The following XKRX variants were observed in gnomAD, a reference collection of about 807,000 sequenced individuals.
The protein encoded by XKRX is XK related X-linked.
Under a neutral mutation model 22.4 loss-of-function variants are expected in XKRX, and 11 were observed. The observed-to-expected ratio is 0.49, with a 90% CI of 0.31 to 0.81. XKRX has a LOEUF of 0.81. XKRX is among the 40% of genes least tolerant of loss of function. The pLI, the probability that XKRX is intolerant of heterozygous loss-of-function variation, is 0.05. For synonymous variants in XKRX, 114 were observed against 132.2 expected (o/e 0.86, Z 0.94); for missense variants, 320 against 336.5 (o/e 0.95, Z 0.38).
chrX:100,951,627 A>G, the XKRX span, among the ~76,000 whole-genome samples: 1 of 111,530 alleles, frequency 9.0e-6, no homozygotes, highest in African/African-American at 3.3e-5. Context: ...ATGATGACTG[A>G]AACAAACAGG....
At chrX:100,924,520 G>A (rs188972887) in intron 1 of XKRX, among the ~76,000 whole-genome samples, 1 of 111,572 alleles carries the variant, frequency 9.0e-6, no homozygotes, top group African/African-American at 3.2e-5. Flanking sequence ...TTCTGATGTG[G>A]TAAGTGGAAG....
upstream of XKRX, among the ~76,000 whole-genome samples, chrX:100,931,153 T>A (rs761768824): frequency 2.6e-3 from 224 of 87,004 alleles, no homozygotes; most frequent in Middle Eastern, 5.9e-3. Flanking sequence ...AAATTAAAAA[T>A]AAAAAAAAAA....
chrX:100,888,729 A>G, the XKRX span: 7 of 258,699 alleles, frequency 2.7e-5, no homozygotes, highest in Non-Finnish European at 4.1e-5. Context: ...AAGGTGGCAT[A>G]TGAGATAACA....
the XKRX span, among the ~76,000 whole-genome samples, chrX:100,939,610 G>C: frequency 8.9e-6 from 1 of 111,748 alleles, no homozygotes; most frequent in Non-Finnish European, 1.9e-5. Flanking sequence ...CCCAAGTAAG[G>C]CACCTGAAGA....
At chrX:100,932,370 C>T (rs1260606957), upstream of XKRX, among the ~76,000 whole-genome samples, 1 of 111,359 alleles carries the variant, frequency 9.0e-6, no homozygotes, top group Non-Finnish European at 1.9e-5. Flanking sequence ...CACTGATCTC[C>T]CACAGACTAG....
chrX:100,887,757 G>A, the XKRX span: 3 of 796,167 alleles, frequency 3.8e-6, no homozygotes, highest in Non-Finnish European at 5.7e-6. Context: ...CTGCCCCAAA[G>A]TTTCCTCCCT....
rs775988879 is a variant in XKRX at position 100,922,985 on chromosome X, G to T, written c.412C>A (p.Arg138=). The T allele has an allele frequency of 4.1e-6, 5 of 1,211,414 alleles. No individual in the cohort carries two copies. In the South Asian group the frequency reaches 8.8e-5, roughly 21 times the overall value. ...TCGCCATCTATTAGCATCTTCTTTC[G>T]GGTGAGGCTGACATAGGGCTCCTCC... ...EQEEPYVSLT[R]KKMLIDGEEV... Residue 138 remains arginine, a synonymous_variant, in exon 2 of 3, where the codon CGA becomes AGA. Coordinates refer to ENST00000372956, the MANE Select transcript of XKRX (RefSeq NM_212559.3).
chrX:100,905,177 CA>C, the XKRX span, among the ~76,000 whole-genome samples: 1 of 111,651 alleles, frequency 9.0e-6, no homozygotes, highest in South Asian at 3.8e-4. Context: ...TGACCGTGGG[CA>C]AGTTACTCTC....
At chrX:100,899,030 C>T in the XKRX span, among the ~76,000 whole-genome samples, 2 of 110,909 alleles carry the variant, frequency 1.8e-5, no homozygotes, top group Non-Finnish European at 3.8e-5. Flanking sequence ...GAGAAGAATC[C>T]GAGTTCCAGA....
At chrX:100,930,516 G>T (rs1165913665), upstream of XKRX, among the ~76,000 whole-genome samples, 2 of 109,847 alleles carry the variant, frequency 1.8e-5, no homozygotes, top group East Asian at 5.7e-4. Flanking sequence ...GCTGATTCAG[G>T]GACAGATTCA....
chrX:100,888,294 C>T, the XKRX span: 2 of 697,769 alleles, frequency 2.9e-6, no homozygotes, highest in Non-Finnish European at 4.5e-6. Flanking sequence ...GTTAAGTGGG[C>T]ACCTGATCTT....
chrX:100,938,647 C>T, the XKRX span, among the ~76,000 whole-genome samples: 2 of 110,693 alleles, frequency 1.8e-5, no homozygotes, highest in African/African-American at 6.6e-5. Flanking sequence ...AAACAAACAA[C>T]TGTGGGATTT....
chrX:100,935,692 C>T, the XKRX span, among the ~76,000 whole-genome samples: 2 of 112,394 alleles, frequency 1.8e-5, no homozygotes, highest in African/African-American at 6.5e-5. Flanking sequence ...CTTGCCTTCT[C>T]TTATCCATAA....
At chrX:100,919,353 C>T (rs2085460686) in intron 2 of XKRX, among the ~76,000 whole-genome samples, 1 of 111,557 alleles carries the variant, frequency 9.0e-6, no homozygotes, top group Non-Finnish European at 1.9e-5. Context: ...AATTTGAATA[C>T]ATAAAAATGT....
intron 2 of XKRX, among the ~76,000 whole-genome samples, chrX:100,917,718 G>GAAAGAAAGAAAGAAAGAAAGAA (rs1556194341): frequency 1.2e-5 from 1 of 85,764 alleles, no homozygotes; most frequent in African/African-American, 3.7e-5. Context: ...AAGAAAGAAA[G>GAAAGAAAGAAAGAAAGAAAGAA]AAAGAAATCC....
the XKRX span, among the ~76,000 whole-genome samples, chrX:100,934,661 T>C: frequency 1.8e-5 from 2 of 111,985 alleles, no homozygotes; most frequent in Admixed American, 9.5e-5. Context: ...CACAACAGGA[T>C]TGTCTCCACT....
intron 1 of XKRX, among the ~76,000 whole-genome samples, chrX:100,923,693 T>C (rs780521879): frequency 9.0e-6 from 1 of 111,532 alleles, no homozygotes; most frequent in African/African-American, 3.3e-5. Flanking sequence ...AGGTATTAAG[T>C]CGATACTGTT....
the XKRX span, among the ~76,000 whole-genome samples, chrX:100,889,452 G>C: frequency 9.2e-6 from 1 of 108,811 alleles, no homozygotes; most frequent in African/African-American, 3.3e-5. Context: ...ATCCAGACTG[G>C]TCTCGAACTC....
At chrX:100,908,898 A>T (rs898160686), downstream of XKRX, among the ~76,000 whole-genome samples, 10 of 108,427 alleles carry the variant, frequency 9.2e-5, no homozygotes, top group Non-Finnish European at 1.9e-4. Flanking sequence ...CTGAAAGGGC[A>T]CTGAAGGTTG....
Sources: allele counts gnomAD v4.1 joint callset (sites outside exome capture counted in the v4.1 genomes callset), GRCh38; gene constraint gnomAD v4.1.1; transcripts MANE v1.5; gene names NCBI Gene and HGNC (gene_info 2026-07-23, HGNC 2026-07-21).